PRAG1: variants seen among roughly 807,000 people sequenced by gnomAD.
The protein encoded by PRAG1 is inactive tyrosine-protein kinase PRAG1.
A neutral mutation model predicts 95.6 loss-of-function variants in PRAG1; 110 were observed. The observed-to-expected ratio is 1.15, with a 90% CI of 0.99 to 1.35. The LOEUF is 1.35. Among genes scored for constraint, PRAG1 ranks in the 40% most tolerant of loss-of-function variants. The probability of loss-of-function intolerance (pLI) is 0.00; values close to 1 mark genes in which losing one functional copy is unlikely to be tolerated. For missense variants in PRAG1, 2,554 were observed against 1,864.7 expected, an observed-to-expected ratio of 1.37 and a Z score of -6.81; for synonymous variants, 1,052 against 819.4, an observed-to-expected ratio of 1.28 and a Z score of -4.85.
rs1369134893 is a variant in PRAG1, at chr8:8,318,129, G to C, written c.*25C>G. On this transcript the variant is annotated 3_prime_UTR_variant, in exon 6 of 6. Coordinates refer to ENST00000615670, the MANE Select transcript of PRAG1 (RefSeq NM_001080826.3). The surrounding 1 kb of genome is among the most constrained non-coding windows in gnomAD (Gnocchi z 4.2). ...GAAAGGGTTAGGCAGGGAAGGGGCAGCGACGGTGCAGGCTGGGGCTTGGCT... is the reference window on the plus strand; with the variant it reads ...GAAAGGGTTAGGCAGGGAAGGGGCACCGACGGTGCAGGCTGGGGCTTGGCT... 1 of 1,588,356 alleles carries C rather than the reference G, an allele frequency of 6.3e-7. No individual in the cohort carries two copies. The highest frequency in any genetic ancestry group is 1.2e-5 in the South Asian group (1 of 86,654).
rs1800458334 is a variant in PRAG1, at chr8:8,377,496, G to A, written c.913C>T (p.Pro305Ser). The A allele has an allele frequency of 1.3e-6, 2 of 1,553,848 alleles. No individual in the cohort carries two copies. Among genetic ancestry groups the A allele is most frequent in the Non-Finnish European group, 1.7e-6 (2 of 1,150,316 alleles). ...SGPAEQEKRG[P>S]SFPKECCSQG... ...CTACAGCACTCCTTGGGGAAGCTCG[G>A]GCCCCGCTTCTCCTGCTCTGCGGGC... The change falls in exon 3 of 6, where the codon CCG becomes TCG. Residue 305 changes from proline (P) to serine (S), a missense_variant. Physicochemically the swap from Pro to Ser is moderately conservative, Grantham distance 74 (BLOSUM62 -1). Transcript: ENST00000615670.
At chr8:8,372,836 G>C (rs1800255417) in intron 3 of PRAG1, among the ~76,000 whole-genome samples, 2 of 152,122 alleles carry the variant, frequency 1.3e-5, no homozygotes, top group Admixed American at 1.3e-4. Context: ...GCGATAAACA[G>C]AACAACAGGC....
chr8:8,366,844 A>AT (rs1439751992), intron 3 of PRAG1, among the ~76,000 whole-genome samples: 2 of 151,596 alleles, frequency 1.3e-5, no homozygotes, highest in East Asian at 3.9e-4. Flanking sequence ...TGCCCTACTC[A>AT]TTTTTGTAAT....
At chr8:8,337,744 G>A (rs1799035834) in intron 4 of PRAG1, among the ~76,000 whole-genome samples, 2 of 152,070 alleles carry the variant, frequency 1.3e-5, no homozygotes. Flanking sequence ...ATTCAGAAAC[G>A]AACATGAGAA....
chr8:8,381,436 C>T lies in PRAG1; in HGVS notation c.312G>A (p.Leu104=), dbSNP rs751869562. The T allele has an allele frequency of 1.6e-5, 25 of 1,607,922 alleles. No individual in the cohort carries two copies. The East Asian group carries it at 5.1e-4, about 33-fold the overall frequency. Residue 104 remains leucine (L), a synonymous_variant, in exon 2 of 6, where the codon CTG becomes CTA. Coordinates refer to ENST00000615670, the MANE Select transcript of PRAG1 (RefSeq NM_001080826.3). ...GCCTCACCTGCGAGACTTCGGCACT[C>T]AGGTTGGCCTCTGTCCACACATCAG... ...EASDVWTEAN[L]SAEVSQVIWR...
intron 4 of PRAG1, among the ~76,000 whole-genome samples, chr8:8,329,389 C>CTAATAATAATAA (rs146318226): frequency 6.6e-5 from 10 of 150,862 alleles, no homozygotes; most frequent in South Asian, 2.1e-4. Flanking sequence ...GAAACTTCAT[C>CTAATAATAATAA]TAATAATAAT....
At chr8:8,331,229 C>A (rs1011525185) in intron 4 of PRAG1, among the ~76,000 whole-genome samples, 4 of 152,156 alleles carry the variant, frequency 2.6e-5, no homozygotes, top group African/African-American at 9.7e-5. Flanking sequence ...TGGTTAGTCT[C>A]TTCTTTAAGC....
rs1244735727 is a variant in PRAG1 at position 8,386,361 on chromosome 8, G to C, written c.-128C>G. The C allele has an allele frequency of 6.6e-6, 1 of 152,248 alleles. No homozygotes were observed. The highest frequency in any genetic ancestry group is 2.1e-4 in the South Asian group (1 of 4,836). The allele number at this position is 152,248 out of a possible 1,614,324, so 9.4% of individuals were successfully genotyped here. ...CCCCGGCCCCTCCGTCGGTCTCCGA[G>C]CCGCCAGCCGCCCGGCCGGAGCATT... On this transcript the variant is annotated 5_prime_UTR_variant, in exon 1 of 6. Transcript: ENST00000615670.
chr8:8,385,348 TC>T (rs1352969966), intron 1 of PRAG1, among the ~76,000 whole-genome samples: 1 of 152,208 alleles, frequency 6.6e-6, no homozygotes, highest in East Asian at 1.9e-4. Flanking sequence ...CTTTTCCTTT[TC>T]TTTTTTCTTC....
intron 3 of PRAG1, among the ~76,000 whole-genome samples, chr8:8,367,072 C>T (rs1215195621): frequency 2.0e-5 from 3 of 152,148 alleles, no homozygotes; most frequent in Admixed American, 2.0e-4. Context: ...CTACAACCTG[C>T]AGACACCACA....
At chr8:8,331,606 G>A (rs953791869) in intron 4 of PRAG1, among the ~76,000 whole-genome samples, 7 of 152,068 alleles carry the variant, frequency 4.6e-5, no homozygotes, top group African/African-American at 1.7e-4. Context: ...AATTACCACT[G>A]GTACATTTTC....
At chr8:8,327,666 C>A (rs369576892) in intron 5 of PRAG1, 44 bp downstream of exon 5, 5 of 1,572,546 alleles carry the variant, frequency 3.2e-6, no homozygotes, top group Non-Finnish European at 4.3e-6. Flanking sequence ...CAAGCCAGCA[C>A]CAGCCAGTGG....
intron 3 of PRAG1, among the ~76,000 whole-genome samples, chr8:8,344,802 A>G (rs1406193235): frequency 1.3e-5 from 2 of 152,136 alleles, no homozygotes; most frequent in Admixed American, 1.3e-4. Flanking sequence ...ACAAAATAAC[A>G]CAGTGGGATT....
chr8:8,340,642 G>A (rs1300873064), intron 3 of PRAG1, among the ~76,000 whole-genome samples: 1 of 152,234 alleles, frequency 6.6e-6, no homozygotes, highest in Non-Finnish European at 1.5e-5. Context: ...ATGACCTTAC[G>A]GTCAAGAATT....
chr8:8,346,955 T>C (rs1209142818), intron 3 of PRAG1, among the ~76,000 whole-genome samples: 1 of 152,164 alleles, frequency 6.6e-6, no homozygotes, highest in East Asian at 1.9e-4. Flanking sequence ...GCTCTTGGGA[T>C]TGGTCAAATA....
chr8:8,357,841 T>C (rs1799728966), intron 3 of PRAG1, among the ~76,000 whole-genome samples: 2 of 152,224 alleles, frequency 1.3e-5, no homozygotes, highest in Admixed American at 6.5e-5. Flanking sequence ...TGTGAATGTA[T>C]GGGAAAAACA....
At chr8:8,322,783 G>A (rs1206376391) in intron 5 of PRAG1, among the ~76,000 whole-genome samples, 1 of 152,076 alleles carries the variant, frequency 6.6e-6, no homozygotes, top group Non-Finnish European at 1.5e-5. Context: ...TCTCAACCAA[G>A]TGCCAATCAG....
chr8:8,327,713 C>G lies in PRAG1; in HGVS notation c.3069G>C (p.Val1023=). 1 of 1,608,676 alleles carries G rather than the reference C, an allele frequency of 6.2e-7. No homozygotes were observed. Among genetic ancestry groups the G allele is most frequent in the Non-Finnish European group, 8.5e-7 (1 of 1,176,298 alleles). The part of the protein sequence containing the change: ...CSEDPGSTYA[V]KICKAPEPKT... ...GCAAGGAGGGAGTGGTACCTACTTT[C>G]ACAGCATAGGTGCTGCCGGGGTCCT... Residue 1023 remains valine (V), a synonymous_variant, in exon 5 of 6, where the codon GTG becomes GTC. Transcript: ENST00000615670.
chr8:8,337,578 G>A (rs529153894), intron 4 of PRAG1, among the ~76,000 whole-genome samples: 3 of 152,184 alleles, frequency 2.0e-5, no homozygotes, highest in Non-Finnish European at 4.4e-5. Context: ...TCCAGGGGCA[G>A]CAGATAGAAT....
Sources: gnomAD v4.1 joint callset for allele counts (sites outside exome capture counted in the v4.1 genomes callset) on GRCh38, gnomAD v4.1.1 for gene constraint, Gnocchi (gnomAD v3.1) non-coding constraint, MANE v1.5 for transcripts, NCBI Gene and HGNC (gene_info 2026-07-23, HGNC 2026-07-21) for gene names.